The following PTPN12 variants were observed in gnomAD, a reference collection of about 807,000 sequenced individuals.
The protein encoded by PTPN12 is tyrosine-protein phosphatase non-receptor type 12.
Under a neutral mutation model 97.6 loss-of-function variants are expected in PTPN12, and 29 were observed. The ratio of observed to expected loss-of-function variants is 0.30; its 90% CI spans 0.22 to 0.41. The LOEUF (loss-of-function observed/expected upper bound fraction) is 0.41, where lower values mean the gene tolerates loss of function less well. Ranked by LOEUF, PTPN12 falls within the 10% of genes least tolerant of loss-of-function variation. PTPN12 has a pLI of 1.00. For synonymous variants in PTPN12, 327 were observed against 300.4 expected (o/e 1.09, Z -0.91); for missense variants, 819 against 926.0 (o/e 0.88, Z 1.50).
chr7:77,580,604 ATT>A lies in PTPN12; in HGVS notation c.209-819_209-818del, dbSNP rs1787482754. On this transcript the variant is annotated intron_variant, in intron 2 of 17. Transcript: ENST00000248594. The stretch of plus-strand genomic sequence containing the variant: ...ACTTTATACCTTTCTTTAAGGTCTA[ATT>A]TTTAAAAATTATATACATATTCCTT... 2.0e-5 allele frequency among the ~76,000 whole-genome samples: 3 copies of A among 152,122 alleles called. No individual in the cohort carries two copies. In the South Asian group the frequency reaches 6.2e-4, roughly 31 times the overall value.
Position 77,614,528 on chromosome 7 carries a change from ATGTT to A in PTPN12, c.939+3485_939+3488del, listed in dbSNP as rs1300326438. On this transcript the variant is annotated intron_variant, in intron 11 of 17. Transcript: ENST00000248594. ...ATGGTACATAGTAGACATAAACTAA[ATGTT>A]TGAGAGAAATCTCTCCATAGATGAA... Among the ~76,000 whole-genome samples the A allele has an allele frequency of 2.0e-5, 3 of 152,324 alleles. No individual in the cohort carries two copies. The South Asian group carries it at 6.2e-4, about 32-fold the overall frequency.
intron 1 of PTPN12, among the ~76,000 whole-genome samples, chr7:77,541,470 A>G (rs1029685287): frequency 7.2e-5 from 11 of 152,150 alleles, no homozygotes; most frequent in East Asian, 3.9e-4. Flanking sequence ...CTGCTGTTAC[A>G]TATAGTAATT....
chr7:77,597,063 C>A (rs1788044943), intron 6 of PTPN12, among the ~76,000 whole-genome samples: 1 of 152,138 alleles, frequency 6.6e-6, no homozygotes, highest in Non-Finnish European at 1.5e-5. Flanking sequence ...CCTAGGTAGT[C>A]ATTATTTTTA....
At chr7:77,638,226 G>A (rs1429995066) in intron 16 of PTPN12, among the ~76,000 whole-genome samples, 2 of 151,674 alleles carry the variant, frequency 1.3e-5, no homozygotes, top group African/African-American at 4.8e-5. Flanking sequence ...CCAAAGTGCT[G>A]GGATTACAGG....
At chr7:77,554,473 A>G (rs1807612510) in intron 1 of PTPN12, among the ~76,000 whole-genome samples, 1 of 152,214 alleles carries the variant, frequency 6.6e-6, no homozygotes, top group Admixed American at 6.5e-5. Context: ...ATATAACCAA[A>G]TACATGTTTG....
chr7:77,625,520 T>G (rs28431959), intron 12 of PTPN12, among the ~76,000 whole-genome samples: 2 of 74,208 alleles, frequency 2.7e-5, no homozygotes, highest in Non-Finnish European at 2.6e-5. Flanking sequence ...TCTCTCTCTC[T>G]CTCACTCTCA....
At chr7:77,609,500 C>T (rs1033634369) in intron 9 of PTPN12, among the ~76,000 whole-genome samples, 4 of 151,640 alleles carry the variant, frequency 2.6e-5, no homozygotes, top group Admixed American at 6.6e-5. Flanking sequence ...AAACTCCTGA[C>T]CTCAGGTGAT....
chr7:77,574,865 T>C (rs967356200), intron 2 of PTPN12, among the ~76,000 whole-genome samples: 1 of 152,060 alleles, frequency 6.6e-6, no homozygotes, highest in African/African-American at 2.4e-5. Context: ...AGAATCTCAC[T>C]CTTGTCGCCC....
chr7:77,608,155 C>T (rs759670766), intron 9 of PTPN12, among the ~76,000 whole-genome samples: 7 of 152,170 alleles, frequency 4.6e-5, no homozygotes, highest in South Asian at 2.1e-4. Flanking sequence ...AATGCTGACT[C>T]GAGCCAAATT....
chr7:77,607,383 T>G (rs777839748), intron 9 of PTPN12, 82 bp downstream of exon 9: 1 of 1,019,714 alleles, frequency 9.8e-7, no homozygotes, highest in Non-Finnish European at 1.5e-6. Context: ...TAAATTATAG[T>G]GTATATTTTA....
At chr7:77,600,566 C>A in intron 7 of PTPN12, 98 bp from the exon 8 acceptor site, 1 of 1,040,006 alleles carries the variant, frequency 9.6e-7, no homozygotes, top group African/African-American at 1.6e-5. Context: ...GTGCTAAATG[C>A]CACACAAATT....
chr7:77,557,887 A>G (rs1358825845), intron 1 of PTPN12, among the ~76,000 whole-genome samples: 1 of 152,170 alleles, frequency 6.6e-6, no homozygotes, highest in Non-Finnish European at 1.5e-5. Flanking sequence ...CAAATTTGAT[A>G]AAAACTCAAA....
intron 9 of PTPN12, among the ~76,000 whole-genome samples, chr7:77,610,467 T>C (rs1428284497): frequency 1.3e-5 from 2 of 152,228 alleles, no homozygotes; most frequent in Non-Finnish European, 2.9e-5. Flanking sequence ...AACCTTCTTT[T>C]GATATCCAAC....
Position 77,623,615 on chromosome 7 carries a change from G to A in PTPN12, c.1026-3090G>A, listed in dbSNP as rs529635604. Among the ~76,000 whole-genome samples, 95 of 152,338 alleles carry A rather than the reference G, an allele frequency of 6.2e-4. 2 individuals carry two copies. The highest frequency in any genetic ancestry group is 2.2e-3 in the African/African-American group (90 of 41,592). On this transcript the variant is annotated intron_variant, in intron 12 of 17. Coordinates refer to ENST00000248594, the MANE Select transcript of PTPN12 (RefSeq NM_002835.4). ...AATCCCAGCTACTTGTGAGGCTGAG[G>A]CAGGAGATTCGCTTGAACCTGGGAG...
At chr7:77,550,867 T>C (rs2151300247) in intron 1 of PTPN12, among the ~76,000 whole-genome samples, 1 of 152,310 alleles carries the variant, frequency 6.6e-6, no homozygotes, top group East Asian at 1.9e-4. Context: ...CCCCAGAAAC[T>C]GTTGCCATGA....
rs776713515 is a variant in PTPN12, at chr7:77,592,237, C to A, written c.473C>A (p.Ala158Glu). 16 of 1,608,502 alleles carry A rather than the reference C, an allele frequency of 9.9e-6. No individual in the cohort carries two copies. In the Admixed American group the frequency reaches 2.6e-4, roughly 26 times the overall value. The change falls in exon 6 of 18, where the codon GCA becomes GAA. Residue 158 changes from alanine (A) to glutamate (E), a missense_variant. This residue lies in a region of PTPN12 where 45 missense variants were observed against 52.0 expected (regional missense o/e 0.87). Transcript: ENST00000248594. ...PLYGEDPITFAPFKISCEDEQ... is the reference protein window; with the variant it reads ...PLYGEDPITFEPFKISCEDEQ... The stretch of plus-strand genomic sequence containing the variant: ...TATGGAGAAGACCCCATAACGTTTG[C>A]ACCATTTAAAATTTCTTGTGTAAGT...
chr7:77,599,104 AT>A (rs2151357722), intron 7 of PTPN12, among the ~76,000 whole-genome samples: 1 of 151,894 alleles, frequency 6.6e-6, no homozygotes, highest in African/African-American at 2.4e-5. Flanking sequence ...AATATTAATT[AT>A]AACATACCCT....
intron 3 of PTPN12, 31 bp from the exon 4 acceptor site, chr7:77,583,524 A>G (rs768338922): frequency 3.7e-6 from 5 of 1,357,208 alleles, no homozygotes; most frequent in Non-Finnish European, 5.2e-6. Context: ...TAATCAAAAT[A>G]AATGTGAAAT....
intron 1 of PTPN12, among the ~76,000 whole-genome samples, chr7:77,552,207 C>T (rs1807508841): frequency 6.6e-6 from 1 of 152,198 alleles, no homozygotes; most frequent in Non-Finnish European, 1.5e-5. Flanking sequence ...GCCTCAAACT[C>T]CTGGACTCAA....
Sources: allele counts gnomAD v4.1 joint callset (sites outside exome capture counted in the v4.1 genomes callset), GRCh38; gene constraint gnomAD v4.1.1; regional missense constraint gnomAD v4.1.1; transcripts MANE v1.5; gene names NCBI Gene and HGNC (gene_info 2026-07-23, HGNC 2026-07-21).